Variants in ZHX2 observed in about 807,000 individuals in gnomAD.
The protein encoded by ZHX2 is zinc fingers and homeoboxes protein 2.
In ZHX2, 6 loss-of-function variants were observed where a neutral mutation model predicts 21.9. That is an observed-to-expected ratio of 0.27 (90% confidence interval 0.15 to 0.54). The LOEUF is 0.54. Among genes scored for constraint, ZHX2 ranks in the 20% least tolerant of loss-of-function variants. The pLI, the probability that ZHX2 is intolerant of heterozygous loss-of-function variation, is 0.95. For missense variants in ZHX2, 908 were observed against 1,090.7 expected (o/e 0.83, Z 2.36); for synonymous variants, 434 against 437.1 (o/e 0.99, Z 0.09).
intron 1 of ZHX2, among the ~76,000 whole-genome samples, chr8:122,793,822 T>G (rs1293043020): frequency 6.6e-6 from 1 of 152,192 alleles, no homozygotes; most frequent in African/African-American, 2.4e-5. Flanking sequence ...TGGGAAAGAC[T>G]GCTTGCTGGC....
In ZHX2 at chr8:122,952,587, G is replaced by A. The variant is rs776168294; in HGVS notation, c.1077G>A (p.Gln359=). 8.1e-6 allele frequency: 13 copies of A among 1,614,148 alleles called. No homozygotes were observed. Among genetic ancestry groups the A allele is most frequent in the Middle Eastern group, 3.3e-4 (2 of 6,062 alleles). Residue 359 remains glutamine (Q), a synonymous_variant, in exon 3 of 4, where the codon CAG becomes CAA. Coordinates refer to ENST00000314393, the MANE Select transcript of ZHX2 (RefSeq NM_014943.5). This position sits in a 1 kb window ranked among gnomAD's most constrained non-coding sequence, Gnocchi z 6.9. ...AGTTGGCCCCCACAAAGGTGACGCA[G>A]CCCATCCTCCAGACGGCTCTACCGT... is the stretch of plus-strand genomic sequence containing the variant. The part of the protein sequence containing the change: ...PAQLAPTKVT[Q]PILQTALPCQ...
At chr8:122,921,515 C>T (rs1335085127) in intron 2 of ZHX2, among the ~76,000 whole-genome samples, 5 of 152,102 alleles carry the variant, frequency 3.3e-5, no homozygotes, top group East Asian at 1.9e-4. Flanking sequence ...TAAGTGCTCT[C>T]GCCACAAAAA....
chr8:122,784,771 C>T (rs530011233), intron 1 of ZHX2, among the ~76,000 whole-genome samples: 83 of 152,350 alleles, frequency 5.4e-4, no homozygotes, highest in Non-Finnish European at 9.7e-4. Context: ...TACTCTCATT[C>T]TCTCCTTTTT....
At chr8:122,878,070 TTC>T (rs1819612432) in intron 2 of ZHX2, among the ~76,000 whole-genome samples, 2 of 106,888 alleles carry the variant, frequency 1.9e-5, no homozygotes, top group Admixed American at 2.2e-4. Context: ...TCGGTAAAAG[TTC>T]TGTGTGTGTG....
At chr8:122,820,816 G>T (rs1197850696) in intron 1 of ZHX2, among the ~76,000 whole-genome samples, 3 of 152,194 alleles carry the variant, frequency 2.0e-5, no homozygotes, top group Admixed American at 1.3e-4. Flanking sequence ...AATATTAAAG[G>T]TGTCTCTCTG....
At chr8:122,805,375 G>A (rs1395484480) in intron 1 of ZHX2, among the ~76,000 whole-genome samples, 1 of 152,088 alleles carries the variant, frequency 6.6e-6, no homozygotes, top group Non-Finnish European at 1.5e-5. Flanking sequence ...CATACTTCAG[G>A]CCTGGCATGT....
chr8:122,817,865 G>A (rs141741434), intron 1 of ZHX2, among the ~76,000 whole-genome samples: 3 of 152,314 alleles, frequency 2.0e-5, no homozygotes, highest in African/African-American at 7.2e-5. Context: ...GCTGGTGTTG[G>A]TGGGCACCCC....
Position 122,952,290 on chromosome 8 carries a change from C to G in ZHX2, c.780C>G (p.Val260=), listed in dbSNP as rs1379313443. Residue 260 remains valine (V), a synonymous_variant, in exon 3 of 4, where the codon GTC becomes GTG. Transcript: ENST00000314393. The surrounding 1 kb of genome is among the most constrained non-coding windows in gnomAD (Gnocchi z 6.9). ...PNINLVPKVP[V]PLNTTKYNSA... ...TCAACCTTGTGCCCAAGGTCCCTGT[C>G]CCACTAAATACTACCAAATACAACT... 2 of 1,614,032 alleles carry G rather than the reference C, an allele frequency of 1.2e-6. No individual in the cohort carries two copies. The highest frequency in any genetic ancestry group is 1.7e-5 in the Admixed American group (1 of 59,984).
At chr8:122,821,153 T>A (rs1413736939) in intron 1 of ZHX2, among the ~76,000 whole-genome samples, 2 of 152,090 alleles carry the variant, frequency 1.3e-5, no homozygotes, top group East Asian at 3.9e-4. Flanking sequence ...GGAGGAGGGG[T>A]GCGCTGGTTC....
chr8:122,831,998 C>A (rs1818388477), intron 1 of ZHX2, among the ~76,000 whole-genome samples: 2 of 151,998 alleles, frequency 1.3e-5, no homozygotes, highest in Non-Finnish European at 2.9e-5. Flanking sequence ...ATTCTGGTGT[C>A]CTTGATGTAG....
chr8:122,854,358 G>A lies in ZHX2; in HGVS notation c.-282-9119G>A, dbSNP rs138641495. On this transcript the variant is annotated intron_variant, in intron 1 of 3. Coordinates refer to ENST00000314393, the MANE Select transcript of ZHX2 (RefSeq NM_014943.5). Reference sequence around the variant, plus strand: ...AGTGCTCCAGGGTTCCACCCAGTGGGAGCATTCAGGCACTTCCTTTATTTC... The same window carrying A: ...AGTGCTCCAGGGTTCCACCCAGTGGAAGCATTCAGGCACTTCCTTTATTTC... 6.2e-3 allele frequency among the ~76,000 whole-genome samples: 945 copies of A among 152,334 alleles called. 7 individuals are homozygous for A. The highest frequency in any genetic ancestry group is 0.021 in the African/African-American group (889 of 41,568).
intron 1 of ZHX2, among the ~76,000 whole-genome samples, chr8:122,789,132 G>C (rs529435612): frequency 2.0e-5 from 3 of 152,340 alleles, no homozygotes; most frequent in South Asian, 2.1e-4. Context: ...ATGGGGGAAG[G>C]GGGTGGAGGA....
intron 2 of ZHX2, among the ~76,000 whole-genome samples, chr8:122,890,501 T>C (rs888649389): frequency 6.6e-6 from 1 of 152,176 alleles, no homozygotes; most frequent in Admixed American, 6.5e-5. Context: ...AAGAGTGTCA[T>C]TGGTATTTTG....
intron 1 of ZHX2, among the ~76,000 whole-genome samples, chr8:122,858,996 G>C (rs557990393): frequency 6.6e-6 from 1 of 152,326 alleles, no homozygotes; most frequent in African/African-American, 2.4e-5. Flanking sequence ...GGAACAGAAG[G>C]CTCCACTCGG....
chr8:122,896,962 T>C (rs1820113460), intron 2 of ZHX2, among the ~76,000 whole-genome samples: 1 of 152,188 alleles, frequency 6.6e-6, no homozygotes, highest in African/African-American at 2.4e-5. Context: ...GGCCGTGAAA[T>C]GGGGATAAAT....
intron 2 of ZHX2, among the ~76,000 whole-genome samples, chr8:122,878,987 A>G (rs1819635020): frequency 6.6e-6 from 1 of 152,042 alleles, no homozygotes; most frequent in Non-Finnish European, 1.5e-5. Flanking sequence ...AGAACCCATC[A>G]TTAGAGGAAT....
At chr8:122,898,172 G>A (rs1820143312) in intron 2 of ZHX2, among the ~76,000 whole-genome samples, 1 of 152,180 alleles carries the variant, frequency 6.6e-6, no homozygotes, top group Admixed American at 6.5e-5. Context: ...TAACCTCATA[G>A]AGGTGAAGTG....
chr8:122,964,944 A>G (rs3114996), intron 3 of ZHX2, among the ~76,000 whole-genome samples: 110,096 of 151,472 alleles, frequency 0.73, 41,050 homozygotes, highest in African/African-American at 0.91. Flanking sequence ...GTTCATAGAA[A>G]CCTTGAATAT....
intron 1 of ZHX2, among the ~76,000 whole-genome samples, chr8:122,801,311 AT>A (rs1817715312): frequency 1.3e-5 from 2 of 152,166 alleles, no homozygotes. Context: ...ATTCCTGCAA[AT>A]TTCCCATAAT....
Sources: allele counts gnomAD v4.1 joint callset (sites outside exome capture counted in the v4.1 genomes callset), GRCh38; gene constraint gnomAD v4.1.1; non-coding constraint Gnocchi (gnomAD v3.1); transcripts MANE v1.5; gene names NCBI Gene and HGNC (gene_info 2026-07-23, HGNC 2026-07-21).